MYO5A: variants seen among roughly 807,000 people sequenced by gnomAD.
MYO5A encodes the protein unconventional myosin-Va.
A neutral mutation model predicts 249.7 loss-of-function variants in MYO5A; 98 were observed. That is an observed-to-expected ratio of 0.39 (90% CI 0.33 to 0.46). The LOEUF (loss-of-function observed/expected upper bound fraction) is 0.46, where lower values mean the gene tolerates loss of function less well. Among genes scored for constraint, MYO5A ranks in the 20% least tolerant of loss-of-function variants. MYO5A has a pLI of 0.98. For synonymous variants in MYO5A, 778 were observed against 810.6 expected (o/e 0.96, Z 0.68); for missense variants, 1,696 against 2,308.8 (o/e 0.73, Z 5.44).
chr15:52,416,420 T>G, intron 4 of MYO5A, 119 bp from the exon 5 acceptor site: 1 of 1,040,474 alleles, frequency 9.6e-7, no homozygotes, highest in Non-Finnish European at 1.4e-6. Flanking sequence ...TGGTCGATAC[T>G]GGTGCTTATA....
At chr15:52,451,778 G>A in intron 1 of MYO5A, among the ~76,000 whole-genome samples, 1 of 152,126 alleles carries the variant, frequency 6.6e-6, no homozygotes, top group Non-Finnish European at 1.5e-5. Context: ...CACATCTTAA[G>A]TTTTAATATC....
intron 1 of MYO5A, among the ~76,000 whole-genome samples, chr15:52,443,030 C>G (rs918703867): frequency 6.6e-6 from 1 of 152,158 alleles, no homozygotes; most frequent in Admixed American, 6.5e-5. Flanking sequence ...GGATTACAGG[C>G]GTGAGCCACC....
At chr15:52,469,824 A>G (rs1364957936) in intron 1 of MYO5A, among the ~76,000 whole-genome samples, 1 of 152,168 alleles carries the variant, frequency 6.6e-6, no homozygotes, top group African/African-American at 2.4e-5. Context: ...TTTTTCTCAC[A>G]GTCCGGCACT....
intron 4 of MYO5A, 93 bp from the exon 5 acceptor site, chr15:52,416,394 T>C: frequency 7.2e-7 from 1 of 1,383,466 alleles, no homozygotes; most frequent in Non-Finnish European, 1.0e-6. Flanking sequence ...AGTAGGGGGC[T>C]AATTAATGGA....
At chr15:52,351,783 G>T (rs1204201549) in intron 27 of MYO5A, among the ~76,000 whole-genome samples, 1 of 152,188 alleles carries the variant, frequency 6.6e-6, no homozygotes, top group Admixed American at 6.5e-5. Flanking sequence ...AGTCCCAAGG[G>T]GTGAGTTTAG....
At chr15:52,421,389 T>G (rs2043784493) in intron 4 of MYO5A, among the ~76,000 whole-genome samples, 1 of 152,182 alleles carries the variant, frequency 6.6e-6, no homozygotes, top group South Asian at 2.1e-4. Context: ...GGCCACATAA[T>G]GATGATGACT....
intron 36 of MYO5A, among the ~76,000 whole-genome samples, chr15:52,326,968 G>A (rs978358999): frequency 1.3e-5 from 2 of 152,214 alleles, no homozygotes; most frequent in African/African-American, 4.8e-5. Flanking sequence ...CTACTGAGTT[G>A]TGTAGGCTTT....
chr15:52,502,028 A>G (rs2077170172), intron 1 of MYO5A, among the ~76,000 whole-genome samples: 1 of 152,144 alleles, frequency 6.6e-6, no homozygotes, highest in African/African-American at 2.4e-5. Context: ...TATATAAACT[A>G]ATATTAAATT....
At chr15:52,436,124 C>T (rs147107833) in intron 1 of MYO5A, among the ~76,000 whole-genome samples, 148 of 152,294 alleles carry the variant, frequency 9.7e-4, no homozygotes, top group African/African-American at 3.3e-3. Context: ...GACAGGGTTT[C>T]GCCATGTTGG....
At chr15:52,528,902 G>T, upstream of MYO5A, 2 of 1,215,464 alleles carry the variant, frequency 1.6e-6, no homozygotes, top group South Asian at 2.1e-5. Flanking sequence ...GCAGCCGCCG[G>T]CAGGGAGCAG....
chr15:52,341,255 C>A (rs538151978), intron 31 of MYO5A, among the ~76,000 whole-genome samples: 2 of 152,242 alleles, frequency 1.3e-5, no homozygotes, highest in South Asian at 2.1e-4. Context: ...CAGATTTACC[C>A]GAATCCACAC....
intron 1 of MYO5A, among the ~76,000 whole-genome samples, chr15:52,455,377 G>C (rs914503553): frequency 2.6e-5 from 4 of 151,984 alleles, no homozygotes; most frequent in African/African-American, 9.7e-5. Flanking sequence ...ATTCTACCAA[G>C]CAGTTAAGGA....
chr15:52,414,911 G>A (rs181034338), intron 5 of MYO5A, among the ~76,000 whole-genome samples: 1 of 152,216 alleles, frequency 6.6e-6, no homozygotes, highest in African/African-American at 2.4e-5. Flanking sequence ...GTTTCTTCCT[G>A]TTCATCCTAT....
intron 1 of MYO5A, among the ~76,000 whole-genome samples, chr15:52,460,489 T>A (rs1292344306): frequency 6.6e-6 from 1 of 151,942 alleles, no homozygotes; most frequent in Non-Finnish European, 1.5e-5. Context: ...CACCAAAAAA[T>A]ACGAAAACCA....
intron 1 of MYO5A, among the ~76,000 whole-genome samples, chr15:52,501,153 A>G (rs1347963467): frequency 6.6e-6 from 1 of 151,894 alleles, no homozygotes; most frequent in Admixed American, 6.6e-5. Flanking sequence ...TTGTATTTTT[A>G]GTAGAGATGG....
intron 1 of MYO5A, among the ~76,000 whole-genome samples, chr15:52,478,720 G>A (rs1000365086): frequency 2.0e-5 from 3 of 152,164 alleles, no homozygotes; most frequent in African/African-American, 2.4e-5. Flanking sequence ...CGTGAGAAGC[G>A]TGAGATCACT....
intron 1 of MYO5A, among the ~76,000 whole-genome samples, chr15:52,476,077 T>C (rs2076584955): frequency 6.6e-6 from 1 of 152,218 alleles, no homozygotes. Flanking sequence ...GGTGCTCCTG[T>C]ATTGGGTGCA....
At chr15:52,433,126 A>C in intron 2 of MYO5A, 49 bp downstream of exon 2, 1 of 1,321,104 alleles carries the variant, frequency 7.6e-7, no homozygotes, top group African/African-American at 1.4e-5. Context: ...TACACTTTTG[A>C]ACTCCCTTCA....
At chr15:52,492,106 C>T (rs1305244295) in intron 1 of MYO5A, among the ~76,000 whole-genome samples, 4 of 152,020 alleles carry the variant, frequency 2.6e-5, no homozygotes, top group African/African-American at 9.7e-5. Flanking sequence ...TTAGGTGTCA[C>T]AATGGTTTTG....
Sources: gnomAD v4.1 joint callset for allele counts (sites outside exome capture counted in the v4.1 genomes callset) on GRCh38, gnomAD v4.1.1 for gene constraint, MANE v1.5 for transcripts, NCBI Gene and HGNC (gene_info 2026-07-23, HGNC 2026-07-21) for gene names.